The following GFRAL variants were observed in gnomAD, a reference collection of about 807,000 sequenced individuals.
GFRAL encodes the protein GDNF family receptor alpha like.
GFRAL carries 36 observed loss-of-function variants against 45.4 expected under a neutral mutation model. That is an observed-to-expected ratio of 0.79 (90% CI 0.61 to 1.05). GFRAL has a LOEUF of 1.05. Among genes scored for constraint, GFRAL ranks in the 50% least tolerant of loss-of-function variants. The probability of loss-of-function intolerance (pLI) is 0.00; values close to 1 mark genes in which losing one functional copy is unlikely to be tolerated. For synonymous variants in GFRAL, 166 were observed against 154.1 expected (o/e 1.08, Z -0.57); for missense variants, 507 against 467.5 (o/e 1.08, Z -0.78).
chr6:55,341,548 G>T (rs139322815), intron 3 of GFRAL, among the ~76,000 whole-genome samples: 3 of 152,024 alleles, frequency 2.0e-5, no homozygotes, highest in African/African-American at 7.2e-5. Context: ...AAGACCAAAG[G>T]TAGATAAAAC....
At chr6:55,337,308 G>A (rs540456654) in intron 3 of GFRAL, among the ~76,000 whole-genome samples, 3 of 152,096 alleles carry the variant, frequency 2.0e-5, no homozygotes, top group African/African-American at 7.2e-5. Flanking sequence ...TTGTATTTCT[G>A]GATTCAACTG....
At chr6:55,352,569 G>A (rs531667351) in intron 5 of GFRAL, among the ~76,000 whole-genome samples, 110 of 152,156 alleles carry the variant, frequency 7.2e-4, no homozygotes, top group African/African-American at 2.5e-3. Context: ...TGAGAGGACC[G>A]ATAGTGGAAG....
At chr6:55,341,100 G>A (rs1767958824) in intron 3 of GFRAL, among the ~76,000 whole-genome samples, 1 of 152,208 alleles carries the variant, frequency 6.6e-6, no homozygotes, top group Non-Finnish European at 1.5e-5. Flanking sequence ...TCTGTGGGCA[G>A]GGCATAGCCG....
chr6:55,334,567 G>A (rs1346148390), intron 3 of GFRAL, among the ~76,000 whole-genome samples: 2 of 152,122 alleles, frequency 1.3e-5, no homozygotes, highest in African/African-American at 2.4e-5. Flanking sequence ...TATATACTCC[G>A]AAAAGTAATC....
chr6:55,390,125 T>C (rs763531878), intron 6 of GFRAL, among the ~76,000 whole-genome samples: 11 of 152,254 alleles, frequency 7.2e-5, no homozygotes, highest in Non-Finnish European at 1.5e-4. Flanking sequence ...AGTTTCCTCC[T>C]TTCTCACCTT....
At chr6:55,345,941 T>A (rs1581904658) in intron 3 of GFRAL, among the ~76,000 whole-genome samples, 1 of 152,162 alleles carries the variant, frequency 6.6e-6, no homozygotes, top group East Asian at 1.9e-4. Context: ...CATGAAAAAA[T>A]GCTCACTATC....
chr6:55,398,100 C>G (rs1037191993), intron 6 of GFRAL, among the ~76,000 whole-genome samples: 2 of 152,124 alleles, frequency 1.3e-5, no homozygotes, highest in African/African-American at 2.4e-5. Context: ...AGCACAAAAT[C>G]GACTAAGCAT....
chr6:55,339,129 G>A (rs115938600), intron 3 of GFRAL, among the ~76,000 whole-genome samples: 1,990 of 152,240 alleles, frequency 0.013, 23 homozygotes, highest in Non-Finnish European at 0.022. Context: ...ATAATCAATA[G>A]GAATTGGTGA....
At chr6:55,391,300 A>C (rs1768750799) in intron 6 of GFRAL, among the ~76,000 whole-genome samples, 1 of 152,130 alleles carries the variant, frequency 6.6e-6, no homozygotes, top group South Asian at 2.1e-4. Flanking sequence ...AATCCTCTTC[A>C]TTTTTTCATA....
chr6:55,371,994 G>T (rs956183410), intron 6 of GFRAL, among the ~76,000 whole-genome samples: 1 of 152,222 alleles, frequency 6.6e-6, no homozygotes, highest in African/African-American at 2.4e-5. Flanking sequence ...TCTGGCTTCT[G>T]GGTATAGATC....
At chr6:55,391,235 A>G (rs1286065433) in intron 6 of GFRAL, among the ~76,000 whole-genome samples, 1 of 152,120 alleles carries the variant, frequency 6.6e-6, no homozygotes, top group Admixed American at 6.5e-5. Flanking sequence ...CTTTCATTCC[A>G]AATATTTTCT....
chr6:55,336,626 T>G (rs1454620307), intron 3 of GFRAL, among the ~76,000 whole-genome samples: 1 of 152,204 alleles, frequency 6.6e-6, no homozygotes, highest in East Asian at 1.9e-4. Context: ...ATTCTATTTT[T>G]TTGTAGAATC....
At chr6:55,363,082 A>G (rs950582502) in intron 6 of GFRAL, among the ~76,000 whole-genome samples, 3 of 151,834 alleles carry the variant, frequency 2.0e-5, no homozygotes, top group African/African-American at 2.4e-5. Flanking sequence ...AAGAAAAAGC[A>G]GAAAACCTCT....
intron 6 of GFRAL, among the ~76,000 whole-genome samples, chr6:55,362,042 C>T (rs1311596234): frequency 6.6e-6 from 1 of 151,898 alleles, no homozygotes; most frequent in African/African-American, 2.4e-5. Flanking sequence ...ATTTTTATTG[C>T]TTTATTCTAT....
At chr6:55,385,380 ACTTGT>A (rs1432117892) in intron 6 of GFRAL, among the ~76,000 whole-genome samples, 3 of 152,044 alleles carry the variant, frequency 2.0e-5, no homozygotes, top group Non-Finnish European at 4.4e-5. Context: ...ATGCTAGCTG[ACTTGT>A]CTTTCGTTTG....
chr6:55,392,877 T>G, intron 6 of GFRAL, among the ~76,000 whole-genome samples: 1 of 151,576 alleles, frequency 6.6e-6, no homozygotes, highest in East Asian at 1.9e-4. Context: ...AACTTAAAAA[T>G]TAAACAAAAT....
intron 2 of GFRAL, 134 bp downstream of exon 2, chr6:55,331,983 C>A (rs1767835407): frequency 4.0e-6 from 3 of 743,466 alleles, no homozygotes; most frequent in Non-Finnish European, 6.3e-6. Context: ...CCCATCGATT[C>A]ACTTTTAATC....
At chr6:55,396,295 GA>G (rs1476520598) in intron 6 of GFRAL, among the ~76,000 whole-genome samples, 4 of 152,182 alleles carry the variant, frequency 2.6e-5, no homozygotes, top group African/African-American at 9.7e-5. Flanking sequence ...CCATGTGAGA[GA>G]AATTTAGTAA....
intron 6 of GFRAL, among the ~76,000 whole-genome samples, chr6:55,375,415 C>T (rs1364559077): frequency 6.6e-6 from 1 of 152,050 alleles, no homozygotes; most frequent in African/African-American, 2.4e-5. Context: ...CATAATTTGG[C>T]TCTCTGCTTG....
Sources: gnomAD v4.1 joint callset for allele counts (sites outside exome capture counted in the v4.1 genomes callset) on GRCh38, gnomAD v4.1.1 for gene constraint, MANE v1.5 for transcripts, NCBI Gene and HGNC (gene_info 2026-07-23, HGNC 2026-07-21) for gene names.